OSBPL10: variants seen among roughly 807,000 people sequenced by gnomAD.
OSBPL10 encodes the protein oxysterol-binding protein-related protein 10.
OSBPL10 carries 49 observed loss-of-function variants against 81.7 expected under a neutral mutation model. That is an observed-to-expected ratio of 0.60 (90% CI 0.48 to 0.76). The LOEUF (loss-of-function observed/expected upper bound fraction) is 0.76. Among genes scored for constraint, OSBPL10 ranks in the 30% least tolerant of loss-of-function variants. OSBPL10 has a pLI of 0.00. For synonymous variants in OSBPL10, 419 were observed against 383.6 expected (o/e 1.09, Z -1.08); for missense variants, 923 against 987.8 (o/e 0.93, Z 0.88).
intron 5 of OSBPL10, among the ~76,000 whole-genome samples, chr3:31,739,959 T>C (rs1697289808): frequency 6.6e-6 from 1 of 152,238 alleles, no homozygotes; most frequent in African/African-American, 2.4e-5. Context: ...ACTGAAACTT[T>C]TGACATCCTT....
At chr3:31,834,525 A>G (rs561056721) in intron 3 of OSBPL10, among the ~76,000 whole-genome samples, 1 of 152,216 alleles carries the variant, frequency 6.6e-6, no homozygotes, top group East Asian at 1.9e-4. Context: ...GCATCTGCAC[A>G]TAATCACACA....
intron 1 of OSBPL10, among the ~76,000 whole-genome samples, chr3:31,974,673 A>C (rs1252127801): frequency 3.3e-5 from 5 of 152,194 alleles, no homozygotes; most frequent in Admixed American, 1.3e-4. Context: ...GTTCAAAAGG[A>C]GACCAAACAA....
chr3:31,756,279 A>G (rs1697883343), intron 4 of OSBPL10, among the ~76,000 whole-genome samples: 2 of 152,064 alleles, frequency 1.3e-5, no homozygotes, highest in Admixed American at 6.6e-5. Context: ...GAAGCAAAAA[A>G]CTATCTCCTG....
intron 1 of OSBPL10, among the ~76,000 whole-genome samples, chr3:31,954,273 C>T (rs556472755): frequency 1.3e-5 from 2 of 152,138 alleles, no homozygotes; most frequent in African/African-American, 2.4e-5. Context: ...AATTAAATGG[C>T]CTCTAAGCCC....
chr3:31,988,839 G>C, intron 2 of OSBPL10: 1 of 563,404 alleles, frequency 1.8e-6, no homozygotes, highest in Admixed American at 3.1e-5. Flanking sequence ...GTCAAGCCTT[G>C]AGATGACTGC....
chr3:31,804,639 C>A (rs1699478188), intron 4 of OSBPL10, among the ~76,000 whole-genome samples: 1 of 152,204 alleles, frequency 6.6e-6, no homozygotes, highest in Non-Finnish European at 1.5e-5. Flanking sequence ...AAAGGTAGAG[C>A]TCCCCATCCC....
At chr3:31,893,564 A>G (rs1695964001) in intron 1 of OSBPL10, among the ~76,000 whole-genome samples, 2 of 152,256 alleles carry the variant, frequency 1.3e-5, no homozygotes, top group African/African-American at 4.8e-5. Context: ...AAATGTCTAC[A>G]CCAAAGACTT....
intron 4 of OSBPL10, among the ~76,000 whole-genome samples, chr3:31,787,296 A>G (rs564244635): frequency 6.6e-6 from 1 of 152,286 alleles, no homozygotes; most frequent in South Asian, 2.1e-4. Flanking sequence ...GTCATATATA[A>G]TGGATTCGAA....
At chr3:31,695,672 A>G (rs1575481595) in intron 7 of OSBPL10, among the ~76,000 whole-genome samples, 1 of 151,924 alleles carries the variant, frequency 6.6e-6, no homozygotes, top group African/African-American at 2.4e-5. Flanking sequence ...CAACATGCAG[A>G]CTCTTAGTTT....
chr3:31,773,930 G>A (rs577720294), intron 4 of OSBPL10, among the ~76,000 whole-genome samples: 186 of 152,288 alleles, frequency 1.2e-3, no homozygotes, highest in Non-Finnish European at 1.7e-3. Context: ...TTGGGAGGCC[G>A]AGGTGGGTGG....
At chr3:31,852,768 G>A (rs889464777) in intron 3 of OSBPL10, among the ~76,000 whole-genome samples, 4 of 151,892 alleles carry the variant, frequency 2.6e-5, no homozygotes, top group South Asian at 2.1e-4. Context: ...TAGTAGCGAC[G>A]GGGTTTCACC....
chr3:31,662,170 G>A (rs1700085700), intron 11 of OSBPL10, 54 bp from the exon 12 acceptor site: 4 of 1,611,974 alleles, frequency 2.5e-6, no homozygotes, highest in East Asian at 2.2e-5. Flanking sequence ...ACAGGGAAAA[G>A]GGGAAGCAAG....
chr3:31,675,480 T>G (rs980925919), intron 8 of OSBPL10, among the ~76,000 whole-genome samples: 12 of 152,330 alleles, frequency 7.9e-5, no homozygotes, highest in African/African-American at 2.9e-4. Context: ...GATGCAGAGA[T>G]AATGGTATCT....
At chr3:31,841,632 A>C (rs1414017630) in intron 3 of OSBPL10, among the ~76,000 whole-genome samples, 1 of 152,208 alleles carries the variant, frequency 6.6e-6, no homozygotes, top group Non-Finnish European at 1.5e-5. Flanking sequence ...AATTTAACCA[A>C]CTAATTGGAT....
At chr3:31,949,696 A>T (rs957471174) in intron 1 of OSBPL10, among the ~76,000 whole-genome samples, 6 of 147,744 alleles carry the variant, frequency 4.1e-5, no homozygotes, top group African/African-American at 1.5e-4. Context: ...AAAAAAAAAA[A>T]AAAAGGATAC....
intron 1 of OSBPL10, among the ~76,000 whole-genome samples, chr3:32,072,777 T>C (rs1379107800): frequency 6.6e-6 from 1 of 152,164 alleles, no homozygotes; most frequent in Non-Finnish European, 1.5e-5. Context: ...AAAATACCTC[T>C]TGGTCTGGGT....
chr3:32,058,554 T>C (rs1699729914), intron 1 of OSBPL10, among the ~76,000 whole-genome samples: 2 of 152,210 alleles, frequency 1.3e-5, no homozygotes, highest in Non-Finnish European at 2.9e-5. Context: ...CTCGAACTCC[T>C]GACCTCAAGT....
intron 1 of OSBPL10, among the ~76,000 whole-genome samples, chr3:31,920,686 C>T (rs185269917): frequency 6.6e-6 from 1 of 152,184 alleles, no homozygotes; most frequent in Non-Finnish European, 1.5e-5. Flanking sequence ...GGAAGTGGGG[C>T]CTGGTGGGAG....
At chr3:31,733,582 T>C (rs1037771586) in intron 5 of OSBPL10, among the ~76,000 whole-genome samples, 171 bp from the exon 6 acceptor site, 23 of 151,932 alleles carry the variant, frequency 1.5e-4, no homozygotes, top group Admixed American at 5.9e-4. Context: ...CATCTGTTGA[T>C]GAACTAGTTT....
Sources: allele counts gnomAD v4.1 joint callset (sites outside exome capture counted in the v4.1 genomes callset), GRCh38; gene constraint gnomAD v4.1.1; transcripts MANE v1.5; gene names NCBI Gene and HGNC (gene_info 2026-07-23, HGNC 2026-07-21).